The following MLIP variants were observed in gnomAD, a reference collection of about 807,000 sequenced individuals.
MLIP encodes muscular LMNA-interacting protein.
Under a neutral mutation model 84.8 loss-of-function variants are expected in MLIP, and 79 were observed. That is an observed-to-expected ratio of 0.93 (90% CI 0.78 to 1.12). MLIP has a LOEUF of 1.12. MLIP is among the 50% of genes most tolerant of loss of function. The pLI is 0.00. For missense variants in MLIP, 1,257 were observed against 1,160.6 expected, an observed-to-expected ratio of 1.08 and a Z score of -1.21; for synonymous variants, 504 against 463.0, an observed-to-expected ratio of 1.09 and a Z score of -1.14.
intron 12 of MLIP, among the ~76,000 whole-genome samples, chr6:54,239,845 A>G (rs1208655249): frequency 2.0e-5 from 3 of 152,082 alleles, no homozygotes; most frequent in African/African-American, 7.2e-5. Context: ...ATAAATATTT[A>G]TGTCTACCAC....
At chr6:54,100,023 G>A (rs1768525283) in intron 1 of MLIP, among the ~76,000 whole-genome samples, 1 of 152,154 alleles carries the variant, frequency 6.6e-6, no homozygotes, top group Admixed American at 6.5e-5. Context: ...TCACTGGCAT[G>A]CATTGGTTCT....
At chr6:54,100,866 G>A (rs1057461176) in intron 1 of MLIP, among the ~76,000 whole-genome samples, 4 of 152,092 alleles carry the variant, frequency 2.6e-5, no homozygotes, top group African/African-American at 9.7e-5. Context: ...GCAAACTGTA[G>A]ACATCAGCTG....
At chr6:54,172,077 G>C (rs917435503) in intron 9 of MLIP, among the ~76,000 whole-genome samples, 2 of 151,312 alleles carry the variant, frequency 1.3e-5, no homozygotes, top group African/African-American at 2.4e-5. Flanking sequence ...ATAAATTAGA[G>C]CCAAGAAAAA....
intron 11 of MLIP, chr6:54,217,162 A>G: frequency 1.0e-6 from 1 of 985,412 alleles, no homozygotes; most frequent in Non-Finnish European, 1.2e-6. Flanking sequence ...TGAGTTCACA[A>G]AGGTGTCTTG....
chr6:54,169,131 TA>T (rs1248225239), intron 8 of MLIP, among the ~76,000 whole-genome samples: 4 of 151,540 alleles, frequency 2.6e-5, no homozygotes, highest in African/African-American at 9.7e-5. Flanking sequence ...CTGGTGAAGG[TA>T]AAGTTAAGGA....
intron 1 of MLIP, among the ~76,000 whole-genome samples, chr6:54,101,516 A>G (rs1386374594): frequency 1.3e-5 from 2 of 152,142 alleles, no homozygotes; most frequent in Non-Finnish European, 2.9e-5. Flanking sequence ...AGTAAGTTAT[A>G]TAGGATTATC....
chr6:54,067,083 G>A lies in MLIP; in HGVS notation c.63+47992G>A, dbSNP rs1254246349. On this transcript the variant is annotated intron_variant, in intron 1 of 12. Coordinates refer to the MLIP transcript ENST00000274897. ...GTTGCATTGACACATGAAAATATTC[G>A]AGAAACCTTATGAAATTCCAACATC... 2.0e-5 allele frequency among the ~76,000 whole-genome samples: 2 copies of A among 100,284 alleles called. 1 individual carries two copies. The highest frequency in any genetic ancestry group is 5.1e-5 in the African/African-American group (2 of 39,174). The allele number at this position is 100,284 out of a possible 152,430, so 65.8% of individuals were successfully genotyped here.
intron 10 of MLIP, 99 bp from the exon 11 acceptor site, chr6:54,202,006 C>T: frequency 4.8e-6 from 4 of 834,878 alleles, no homozygotes; most frequent in South Asian, 3.9e-5. Context: ...ATATAATTTT[C>T]TGTGAGAACA....
At chr6:54,128,279 G>A (rs1771093107) in intron 3 of MLIP, among the ~76,000 whole-genome samples, 1 of 152,042 alleles carries the variant, frequency 6.6e-6, no homozygotes, top group South Asian at 2.1e-4. Context: ...GAGAGAGAAG[G>A]GAGACTGGAG....
At chr6:54,089,329 G>A (rs1191068534) in intron 1 of MLIP, among the ~76,000 whole-genome samples, 1 of 152,048 alleles carries the variant, frequency 6.6e-6, no homozygotes, top group Non-Finnish European at 1.5e-5. Flanking sequence ...ATTACCTTAA[G>A]CTAAGTTTGA....
chr6:54,140,472 A>G (rs1008186849), intron 4 of MLIP, among the ~76,000 whole-genome samples: 3 of 152,212 alleles, frequency 2.0e-5, no homozygotes, highest in Non-Finnish European at 4.4e-5. Flanking sequence ...GAACAGGAAA[A>G]TAAGAATGAT....
At chr6:54,038,687 C>T (rs1764581010) in intron 1 of MLIP, among the ~76,000 whole-genome samples, 1 of 151,774 alleles carries the variant, frequency 6.6e-6, no homozygotes, top group Non-Finnish European at 1.5e-5. Flanking sequence ...TGACACTTTG[C>T]TCTCTGCTTT....
chr6:54,246,174 AT>A (rs1197824424), intron 12 of MLIP, among the ~76,000 whole-genome samples: 2 of 152,136 alleles, frequency 1.3e-5, no homozygotes, highest in African/African-American at 4.8e-5. Flanking sequence ...CTCAGGTTTT[AT>A]AAAAATATTT....
chr6:54,135,863 C>T (rs114936350), intron 3 of MLIP, among the ~76,000 whole-genome samples: 2 of 152,158 alleles, frequency 1.3e-5, no homozygotes, highest in Non-Finnish European at 2.9e-5. Context: ...TTCACAGGCT[C>T]TCCCTAGCTT....
intron 1 of MLIP, among the ~76,000 whole-genome samples, chr6:54,100,625 G>T (rs1490410875): frequency 2.0e-5 from 3 of 151,994 alleles, no homozygotes; most frequent in Admixed American, 6.6e-5. Flanking sequence ...ACTAAAAAAT[G>T]CTTTGTCCTT....
chr6:54,025,432 G>A (rs1025905925), intron 1 of MLIP, among the ~76,000 whole-genome samples: 3 of 152,102 alleles, frequency 2.0e-5, no homozygotes, highest in East Asian at 1.9e-4. Context: ...AATCTCTGGC[G>A]GTAAGGTACT....
rs746049425 is a variant in MLIP, at chr6:54,136,858, G to C, written c.789G>C (p.Arg263Ser). 7.6e-5 allele frequency: 117 copies of C among 1,535,092 alleles called. No homozygotes were observed. Among genetic ancestry groups the C allele is most frequent in the Non-Finnish European group, 8.9e-5 (102 of 1,146,124 alleles). The change falls in exon 4 of 14, where the codon AGG becomes AGC. Residue 263 changes from arginine (R) to serine (S), a missense_variant. Transcript: ENST00000502396. ...TCCTAGAGGAGTTCCACACTAGGAGGCTGGATGTCGGTGGGGCCGTGGTGG... is the reference window on the plus strand; with the variant it reads ...TCCTAGAGGAGTTCCACACTAGGAGCCTGGATGTCGGTGGGGCCGTGGTGG... ...ASVLEEFHTR[R>S]LDVGGAVVEE...
At chr6:54,101,175 T>G (rs551260306) in intron 1 of MLIP, among the ~76,000 whole-genome samples, 1 of 152,218 alleles carries the variant, frequency 6.6e-6, no homozygotes, top group East Asian at 1.9e-4. Flanking sequence ...TTTTGGATGA[T>G]AGTAGACAAG....
At chr6:54,045,031 G>A (rs1179802531) in intron 1 of MLIP, among the ~76,000 whole-genome samples, 1 of 152,046 alleles carries the variant, frequency 6.6e-6, no homozygotes, top group Non-Finnish European at 1.5e-5. Context: ...TTGTTGTTAT[G>A]ATATCTCTTC....
Sources: gnomAD v4.1 joint callset for allele counts (sites outside exome capture counted in the v4.1 genomes callset) on GRCh38, gnomAD v4.1.1 for gene constraint, MANE v1.5 for transcripts, NCBI Gene and HGNC (gene_info 2026-07-23, HGNC 2026-07-21) for gene names.